The following DYNC1I1 variants were observed in gnomAD, a reference collection of about 807,000 sequenced individuals.
The protein encoded by DYNC1I1 is dynein cytoplasmic 1 intermediate chain 1.
A neutral mutation model predicts 86.6 loss-of-function variants in DYNC1I1; 43 were observed. The observed-to-expected ratio is 0.50, with a 90% CI of 0.39 to 0.64. The LOEUF is 0.64. Ranked by LOEUF, DYNC1I1 falls within the 30% of genes least tolerant of loss-of-function variation. The pLI is 0.00. For synonymous variants in DYNC1I1, 262 were observed against 283.7 expected (o/e 0.92, Z 0.77); for missense variants, 604 against 788.8 (o/e 0.77, Z 2.81).
chr7:95,785,775 GTATA>G (rs200152096), intron 1 of DYNC1I1, among the ~76,000 whole-genome samples: 7,352 of 124,404 alleles, frequency 0.059, 294 homozygotes, highest in Non-Finnish European at 0.068. Context: ...GTGTGTATGT[GTATA>G]TATATATATA....
chr7:95,778,634 C>T (rs1562888477), intron 1 of DYNC1I1, among the ~76,000 whole-genome samples: 1 of 151,820 alleles, frequency 6.6e-6, no homozygotes, highest in African/African-American at 2.4e-5. Context: ...AATTCCAGTG[C>T]TTTCTTTTCT....
chr7:96,106,500 A>T (rs575645726), intron 16 of DYNC1I1, among the ~76,000 whole-genome samples: 1 of 152,020 alleles, frequency 6.6e-6, no homozygotes, highest in Non-Finnish European at 1.5e-5. Flanking sequence ...GCGCCATTGC[A>T]CTCCAGCCTG....
intron 6 of DYNC1I1, among the ~76,000 whole-genome samples, chr7:95,937,789 A>G (rs568130429): frequency 2.5e-4 from 38 of 152,216 alleles, no homozygotes; most frequent in Non-Finnish European, 4.7e-4. Context: ...ATGACAATCC[A>G]TTTTTAATGT....
At chr7:95,952,088 T>C (rs1792577330) in intron 6 of DYNC1I1, among the ~76,000 whole-genome samples, 1 of 152,184 alleles carries the variant, frequency 6.6e-6, no homozygotes, top group Admixed American at 6.5e-5. Context: ...GAGTCTTACA[T>C]AGAGAATAAG....
chr7:96,068,904 C>T (rs145992412), intron 14 of DYNC1I1, among the ~76,000 whole-genome samples: 5 of 151,122 alleles, frequency 3.3e-5, no homozygotes, highest in African/African-American at 1.2e-4. Flanking sequence ...TATTTTGCTA[C>T]TTAACTTATC....
chr7:95,835,712 T>C (rs1437125337), intron 5 of DYNC1I1, among the ~76,000 whole-genome samples: 2 of 152,122 alleles, frequency 1.3e-5, no homozygotes, highest in African/African-American at 4.8e-5. Context: ...AATTGATCCC[T>C]TTACCATTAT....
intron 1 of DYNC1I1, among the ~76,000 whole-genome samples, chr7:95,791,100 A>C (rs1842105): frequency 0.22 from 33,445 of 152,164 alleles, 3,720 homozygotes; most frequent in Admixed American, 0.28. Context: ...TATTTTAGGA[A>C]AATCTAATTT....
chr7:95,925,970 C>A (rs1185977190), intron 6 of DYNC1I1, among the ~76,000 whole-genome samples: 2 of 151,960 alleles, frequency 1.3e-5, no homozygotes, highest in Non-Finnish European at 2.9e-5. Flanking sequence ...TTAAAGAAAT[C>A]CAAATTTAAA....
intron 12 of DYNC1I1, among the ~76,000 whole-genome samples, chr7:96,033,841 T>C (rs1794870003): frequency 6.6e-6 from 1 of 151,976 alleles, no homozygotes; most frequent in Non-Finnish European, 1.5e-5. Context: ...AAGACCCTTT[T>C]TCTACTAAAA....
chr7:95,947,118 C>T (rs936327059), intron 6 of DYNC1I1, among the ~76,000 whole-genome samples: 7 of 152,056 alleles, frequency 4.6e-5, no homozygotes, highest in Admixed American at 3.3e-4. Context: ...TTGCAATTTC[C>T]TCTGTTGTAA....
At chr7:95,807,490 T>G (rs965818776) in intron 2 of DYNC1I1, among the ~76,000 whole-genome samples, 1 of 152,134 alleles carries the variant, frequency 6.6e-6, no homozygotes, top group African/African-American at 2.4e-5. Flanking sequence ...TGGACAGGCA[T>G]AGCAGGACTC....
rs1217833701 is a variant in DYNC1I1 at position 95,997,492 on chromosome 7, T to C, written c.969+1419T>C. 2.6e-5 allele frequency among the ~76,000 whole-genome samples: 4 copies of C among 152,002 alleles called. No individual in the cohort carries two copies. In the East Asian group the frequency reaches 7.7e-4, roughly 29 times the overall value. ...CATGATTTTTAAATTTTAATTATAT[T>C]AACTGACTACAGGTTTCTGGAATCA... On this transcript the variant is annotated intron_variant, in intron 10 of 16. Coordinates refer to ENST00000447467, the MANE Select transcript of DYNC1I1 (RefSeq NM_001135556.2).
At chr7:96,075,711 T>C (rs1486627166) in intron 14 of DYNC1I1, among the ~76,000 whole-genome samples, 1 of 152,040 alleles carries the variant, frequency 6.6e-6, no homozygotes, top group African/African-American at 2.4e-5. Context: ...CACGGTTGGG[T>C]TTAGGCTCCG....
At chr7:95,827,708 C>T (rs1795231709) in intron 4 of DYNC1I1, among the ~76,000 whole-genome samples, 1 of 152,076 alleles carries the variant, frequency 6.6e-6, no homozygotes, top group Non-Finnish European at 1.5e-5. Context: ...TGGGTGGGCT[C>T]TGGGGTGTCA....
At chr7:95,999,055 A>G (rs1490041847) in intron 10 of DYNC1I1, among the ~76,000 whole-genome samples, 1 of 152,106 alleles carries the variant, frequency 6.6e-6, no homozygotes, top group African/African-American at 2.4e-5. Context: ...TTTTATTTCA[A>G]TAAAAGCTGT....
chr7:95,813,432 A>G (rs1487018217), intron 4 of DYNC1I1, 95 bp downstream of exon 4: 11 of 1,405,464 alleles, frequency 7.8e-6, no homozygotes, highest in Admixed American at 5.1e-5. Context: ...TGAAATGTGC[A>G]TGTATCTGCA....
intron 6 of DYNC1I1, among the ~76,000 whole-genome samples, chr7:95,895,584 T>C (rs1056737103): frequency 5.9e-5 from 9 of 152,214 alleles, no homozygotes; most frequent in Non-Finnish European, 8.8e-5. Context: ...GAATGCGTTG[T>C]TGATGTTGTG....
chr7:96,090,128 A>G (rs971020556), intron 16 of DYNC1I1, among the ~76,000 whole-genome samples: 1 of 152,172 alleles, frequency 6.6e-6, no homozygotes, highest in African/African-American at 2.4e-5. Context: ...AGGGAAAAAA[A>G]TAAGGCGAAA....
In DYNC1I1 at chr7:96,039,358, C is replaced by A. The variant is rs369124272; in HGVS notation, c.1446C>A (p.Ile482=). ...GINCHMAVGP[I]DFSHLFVTSS... ...ACTGCCACATGGCAGTGGGCCCAATCGACTTTTCTCACCTGTTTGTCACAT... is the reference window on the plus strand; with the variant it reads ...ACTGCCACATGGCAGTGGGCCCAATAGACTTTTCTCACCTGTTTGTCACAT... Residue 482 remains isoleucine, a synonymous_variant, in exon 14 of 17, where the codon ATC becomes ATA. Transcript: ENST00000447467. The A allele has an allele frequency of 8.7e-6, 14 of 1,614,126 alleles. No individual in the cohort carries two copies. The highest frequency in any genetic ancestry group is 1.1e-5 in the Non-Finnish European group (13 of 1,179,976).
Sources: allele counts gnomAD v4.1 joint callset (sites outside exome capture counted in the v4.1 genomes callset), GRCh38; gene constraint gnomAD v4.1.1; transcripts MANE v1.5; gene names NCBI Gene and HGNC (gene_info 2026-07-23, HGNC 2026-07-21).